PRIM2: variants seen among roughly 807,000 people sequenced by gnomAD.
PRIM2 encodes DNA primase subunit 2.
PRIM2 carries 39 observed loss-of-function variants against 67.3 expected under a neutral mutation model. That is an observed-to-expected ratio of 0.58 (90% CI 0.45 to 0.76). PRIM2 has a LOEUF of 0.76. Among genes scored for constraint, PRIM2 ranks in the 30% least tolerant of loss-of-function variants. PRIM2 has a pLI of 0.00. For synonymous variants in PRIM2, 143 were observed against 198.7 expected (o/e 0.72, Z 2.36); for missense variants, 398 against 598.7 (o/e 0.66, Z 3.50).
In PRIM2 at chr6:57,606,438, C is replaced by G. The variant is rs1311107423; in HGVS notation, c.1211C>G (p.Ser404Cys). 8.2e-6 allele frequency: 13 copies of G among 1,593,550 alleles called. No homozygotes were observed. Among genetic ancestry groups the G allele is most frequent in the Non-Finnish European group, 1.1e-5 (13 of 1,166,638 alleles). ...CAAAAGTTGCAGTCATACAAGATCT[C>G]TCCTGGAGGGATAAGCCAGGTAGGT... ...LKQKLQSYKISPGGISQILDL... is the reference protein window; with the variant it reads ...LKQKLQSYKICPGGISQILDL... The change falls in exon 12 of 14, where the codon TCT (serine) becomes TGT (cysteine). Residue 404 changes from serine to cysteine, a missense_variant. Physicochemically the swap from Ser to Cys is moderately radical, Grantham distance 112. Around this residue, in one of 4 missense-constraint regions of PRIM2, gnomAD observed 229 missense variants for 383.6 expected, o/e 0.60. Transcript: ENST00000615550.
At chr6:57,376,494 ACT>A in intron 5 of PRIM2, among the ~76,000 whole-genome samples, 1 of 151,006 alleles carries the variant, frequency 6.6e-6, no homozygotes, top group East Asian at 1.9e-4. Context: ...TATTGGATTG[ACT>A]CTTTTTTTTG....
chr6:57,544,953 A>G (rs1775255154), intron 10 of PRIM2, among the ~76,000 whole-genome samples: 1 of 152,232 alleles, frequency 6.6e-6, no homozygotes, highest in Non-Finnish European at 1.5e-5. Context: ...ATTCTACCAA[A>G]TCTTTAAAGT....
intron 10 of PRIM2, among the ~76,000 whole-genome samples, chr6:57,574,474 C>T (rs1432071193): frequency 1.3e-5 from 2 of 152,208 alleles, no homozygotes; most frequent in Non-Finnish European, 2.9e-5. Context: ...CGATCAGAAC[C>T]TTCTACCCGG....
At chr6:57,250,079 G>A in the PRIM2 span, among the ~76,000 whole-genome samples, 2 of 152,222 alleles carry the variant, frequency 1.3e-5, no homozygotes, top group African/African-American at 2.4e-5. Flanking sequence ...AGAGATGAAC[G>A]AATGGAACAA....
intron 8 of PRIM2, among the ~76,000 whole-genome samples, chr6:57,510,972 C>A (rs1361026825): frequency 6.6e-6 from 1 of 151,498 alleles, no homozygotes; most frequent in Admixed American, 6.6e-5. Context: ...AGGTTGATAC[C>A]GAGATCATTA....
chr6:57,399,294 T>G (rs796802238), intron 7 of PRIM2, among the ~76,000 whole-genome samples: 5 of 152,138 alleles, frequency 3.3e-5, no homozygotes, highest in Non-Finnish European at 7.4e-5. Flanking sequence ...TGCAGTGTTT[T>G]GTTTTCTGGC....
intron 7 of PRIM2, among the ~76,000 whole-genome samples, chr6:57,455,882 G>A (rs972603813): frequency 6.6e-6 from 1 of 152,132 alleles, no homozygotes; most frequent in Non-Finnish European, 1.5e-5. Flanking sequence ...TTCCTAGCCT[G>A]GATGGTCTTT....
chr6:57,640,430 A>G (rs1777209895), intron 13 of PRIM2, among the ~76,000 whole-genome samples: 1 of 152,182 alleles, frequency 6.6e-6, no homozygotes, highest in East Asian at 1.9e-4. Flanking sequence ...TCAAATAGGA[A>G]GAGAGGGAGT....
chr6:57,344,047 G>T (rs1048762743), intron 5 of PRIM2, among the ~76,000 whole-genome samples: 16 of 152,076 alleles, frequency 1.1e-4, no homozygotes, highest in African/African-American at 3.9e-4. Flanking sequence ...CACTGAAACT[G>T]AATTAGCAGG....
At chr6:57,282,565 G>A in the PRIM2 span, among the ~76,000 whole-genome samples, 1 of 152,208 alleles carries the variant, frequency 6.6e-6, no homozygotes, top group Middle Eastern at 3.4e-3. Flanking sequence ...CTAACTCCCA[G>A]TACCTCAGAA....
intron 3 of PRIM2, among the ~76,000 whole-genome samples, chr6:57,323,019 A>G (rs1767711142): frequency 6.6e-6 from 1 of 151,650 alleles, no homozygotes; most frequent in East Asian, 1.9e-4. Flanking sequence ...AAGTTACATA[A>G]CTTCTCTGTG....
At chr6:57,357,507 A>T (rs1163208313) in intron 5 of PRIM2, among the ~76,000 whole-genome samples, 3 of 151,890 alleles carry the variant, frequency 2.0e-5, no homozygotes, top group African/African-American at 7.3e-5. Context: ...CATTTCGTCT[A>T]ATTCTGACTC....
chr6:57,363,131 AATTATG>A (rs1163353649), intron 5 of PRIM2, among the ~76,000 whole-genome samples: 1 of 152,172 alleles, frequency 6.6e-6, no homozygotes, highest in African/African-American at 2.4e-5. Flanking sequence ...GGTAAAAGTG[AATTATG>A]ATCTTAGGAG....
At chr6:57,612,938 C>T (rs1156471946) in intron 12 of PRIM2, among the ~76,000 whole-genome samples, 1 of 151,812 alleles carries the variant, frequency 6.6e-6, no homozygotes, top group Non-Finnish European at 1.5e-5. Flanking sequence ...GAGGTTACAG[C>T]TGCACATCAC....
chr6:57,393,602 T>C (rs1770430252), intron 7 of PRIM2, among the ~76,000 whole-genome samples: 1 of 152,222 alleles, frequency 6.6e-6, no homozygotes, highest in Non-Finnish European at 1.5e-5. Context: ...TTTCTCCCAC[T>C]CTGTGGGTTG....
intron 7 of PRIM2, among the ~76,000 whole-genome samples, chr6:57,499,342 C>T (rs1374574975): frequency 6.6e-6 from 1 of 152,168 alleles, no homozygotes; most frequent in Non-Finnish European, 1.5e-5. Context: ...GGACATACTT[C>T]TTGGCATTTG....
At chr6:57,529,361 T>C (rs1409641772) in intron 8 of PRIM2, among the ~76,000 whole-genome samples, 1 of 151,936 alleles carries the variant, frequency 6.6e-6, no homozygotes, top group African/African-American at 2.4e-5. Flanking sequence ...AATCCTAGCC[T>C]ACTGCCATTC....
intron 7 of PRIM2, among the ~76,000 whole-genome samples, chr6:57,443,405 C>T (rs886758885): frequency 2.6e-5 from 4 of 152,126 alleles, no homozygotes; most frequent in Non-Finnish European, 5.9e-5. Flanking sequence ...ATGCCCTTGC[C>T]ACCACTTAAT....
intron 5 of PRIM2, among the ~76,000 whole-genome samples, chr6:57,340,315 A>G (rs200812124): frequency 3.9e-5 from 6 of 152,222 alleles, no homozygotes; most frequent in Admixed American, 3.9e-4. Context: ...TCAGGGATCT[A>G]GAACTAGAAG....
Sources: allele counts gnomAD v4.1 joint callset (sites outside exome capture counted in the v4.1 genomes callset), GRCh38; gene constraint gnomAD v4.1.1; regional missense constraint gnomAD v4.1.1; transcripts MANE v1.5; gene names NCBI Gene and HGNC (gene_info 2026-07-23, HGNC 2026-07-21).